TAF12: variants seen among roughly 807,000 people sequenced by gnomAD.
The protein encoded by TAF12 is transcription initiation factor TFIID subunit 12.
In TAF12, 3 loss-of-function variants were observed where a neutral mutation model predicts 20.8. That is an observed-to-expected ratio of 0.14 (90% CI 0.07 to 0.37). The LOEUF (loss-of-function observed/expected upper bound fraction) is 0.37, where lower values mean the gene tolerates loss of function less well. Among genes scored for constraint, TAF12 ranks in the 10% least tolerant of loss-of-function variants. TAF12 has a pLI of 1.00. For synonymous variants in TAF12, 69 were observed against 70.2 expected (o/e 0.98, Z 0.09); for missense variants, 131 against 197.9 (o/e 0.66, Z 2.03).
Position 28,643,037 on chromosome 1 carries a change from T to A in TAF12, c.-130A>T. On this transcript the variant is annotated 5_prime_UTR_variant, in exon 1 of 6. Coordinates refer to ENST00000373824, the MANE Select transcript of TAF12 (RefSeq NM_005644.4). Reference sequence around the variant, plus strand: ...CCATGATATGCAGAGACTGCCCCAGTGAAGCGTTCGTCTCAGCAGCCGGTC... The same window carrying A: ...CCATGATATGCAGAGACTGCCCCAGAGAAGCGTTCGTCTCAGCAGCCGGTC... 5 of 985,878 alleles carry A rather than the reference T, an allele frequency of 5.1e-6. No individual in the cohort carries two copies. The highest frequency in any genetic ancestry group is 6.0e-6 in the Non-Finnish European group (5 of 829,950). The allele number at this position is 985,878 out of a possible 1,614,324, so 61.1% of individuals were successfully genotyped here. A position where few individuals can be genotyped will look rare whatever the true frequency, so the allele number is the denominator to read the frequency against.
At chr1:28,640,478 G>C (rs1667995660) in intron 1 of TAF12, among the ~76,000 whole-genome samples, 1 of 152,176 alleles carries the variant, frequency 6.6e-6, no homozygotes, top group Non-Finnish European at 1.5e-5. Flanking sequence ...GTCACTGTGT[G>C]ATTTCAGGCA....
chr1:28,612,094 T>C lies in TAF12; in HGVS notation c.361+1153A>G, dbSNP rs1666879831. On this transcript the variant is annotated intron_variant, in intron 4 of 5. Transcript: ENST00000373824. ...CAGCTTCTTGACACTGTGAAGAAAG[T>C]CTTTCAATAATTAGTCATGGGCTGA... Among the ~76,000 whole-genome samples, 3 of 152,256 alleles carry C rather than the reference T, an allele frequency of 2.0e-5. No homozygotes were observed. The South Asian group carries it at 6.2e-4, about 32-fold the overall frequency.
intron 1 of TAF12, among the ~76,000 whole-genome samples, chr1:28,640,480 T>C (rs1408091815): frequency 6.6e-6 from 1 of 152,194 alleles, no homozygotes. Context: ...CACTGTGTGA[T>C]TTCAGGCAAA....
At position 28,639,273 on chromosome 1, in the gene TAF12, A is replaced by G. The variant is rs1298380816; in HGVS notation, c.-85+3719T>C. On this transcript the variant is annotated intron_variant, in intron 1 of 5. Coordinates refer to ENST00000373824, the MANE Select transcript of TAF12 (RefSeq NM_005644.4). Reference sequence around the variant, plus strand: ...TCTACTAAAAATACAAAAATTAGCCAGGCATGGTGGCGCATGCCTGTAATC... The same window carrying G: ...TCTACTAAAAATACAAAAATTAGCCGGGCATGGTGGCGCATGCCTGTAATC... Among the ~76,000 whole-genome samples, 4 of 151,608 alleles carry G rather than the reference A, an allele frequency of 2.6e-5. No individual in the cohort carries two copies. The East Asian group carries it at 7.9e-4, about 30-fold the overall frequency.
chr1:28,629,616 G>GT (rs986371224), intron 1 of TAF12, among the ~76,000 whole-genome samples: 5 of 151,998 alleles, frequency 3.3e-5, no homozygotes, highest in Admixed American at 1.3e-4. Context: ...GATTACAGGC[G>GT]TGAGCCACTG....
chr1:28,647,667 A>C (rs1163740865), upstream of TAF12, among the ~76,000 whole-genome samples: 1 of 152,128 alleles, frequency 6.6e-6, no homozygotes, highest in African/African-American at 2.4e-5. Context: ...AAGTCAGGAG[A>C]TCGAGACCAT....
chr1:28,641,204 G>A (rs1317160410), intron 1 of TAF12, among the ~76,000 whole-genome samples: 6 of 151,816 alleles, frequency 4.0e-5, no homozygotes, highest in African/African-American at 7.3e-5. Flanking sequence ...AAACTGGGCC[G>A]GGCGCAGTGG....
At chr1:28,617,186 A>G (rs1002202257) in intron 3 of TAF12, among the ~76,000 whole-genome samples, 4 of 152,224 alleles carry the variant, frequency 2.6e-5, no homozygotes, top group Non-Finnish European at 4.4e-5. Context: ...TTACTTAGAA[A>G]TATAGAAGAA....
At chr1:28,633,912 CAAAAAAAA>C (rs34756071) in intron 1 of TAF12, among the ~76,000 whole-genome samples, 2 of 47,514 alleles carry the variant, frequency 4.2e-5, no homozygotes, top group Non-Finnish European at 8.5e-5. Context: ...AACTCCATCT[CAAAAAAAA>C]AAAAAAAAAA....
At chr1:28,620,121 G>A (rs1667165130) in intron 2 of TAF12, among the ~76,000 whole-genome samples, 1 of 151,680 alleles carries the variant, frequency 6.6e-6, no homozygotes, top group African/African-American at 2.4e-5. Context: ...TTTGAAATAA[G>A]GAAAAAAGAA....
At chr1:28,646,470 T>C (rs1472094662), upstream of TAF12, 4 of 152,190 alleles carry the variant, frequency 2.6e-5, no homozygotes, top group African/African-American at 9.6e-5. Flanking sequence ...TATTAAAATA[T>C]ATTAAAGAAA....
chr1:28,604,594 C>T (rs1171830802), intron 5 of TAF12, among the ~76,000 whole-genome samples: 1 of 152,168 alleles, frequency 6.6e-6, no homozygotes, highest in Non-Finnish European at 1.5e-5. Context: ...TGCAATCTTT[C>T]CATTCAGGAA....
At chr1:28,624,086 G>T (rs1667305328) in intron 1 of TAF12, 2 of 822,738 alleles carry the variant, frequency 2.4e-6, no homozygotes, top group Non-Finnish European at 2.9e-6. Context: ...CATTTTAGTT[G>T]AATGGCCTGG....
chr1:28,626,334 C>A (rs1323683421), intron 1 of TAF12, among the ~76,000 whole-genome samples: 2 of 151,604 alleles, frequency 1.3e-5, no homozygotes, highest in Non-Finnish European at 1.5e-5. Flanking sequence ...AATCCCAGCA[C>A]TTTAGGAGGC....
chr1:28,643,300 C>A (rs1570348288), upstream of TAF12: 1 of 165,424 alleles, frequency 6.0e-6, no homozygotes, highest in Non-Finnish European at 1.2e-5. Flanking sequence ...CGTTAAGAAT[C>A]CTTCACTAGC....
chr1:28,637,246 T>C (rs1667862314), intron 1 of TAF12, among the ~76,000 whole-genome samples: 1 of 152,120 alleles, frequency 6.6e-6, no homozygotes, highest in South Asian at 2.1e-4. Context: ...TTTTTTTCTT[T>C]TTCTCTTTTT....
At chr1:28,644,204 C>T (rs910233222), upstream of TAF12, among the ~76,000 whole-genome samples, 1 of 152,146 alleles carries the variant, frequency 6.6e-6, no homozygotes, top group Non-Finnish European at 1.5e-5. Context: ...CTGTGACAGG[C>T]CAGAGTGAGC....
intron 1 of TAF12, chr1:28,648,162 T>G: frequency 1.0e-6 from 1 of 985,214 alleles, no homozygotes; most frequent in East Asian, 1.1e-4. Flanking sequence ...CATTTTCAAT[T>G]TGGATAGGTT....
At chr1:28,608,100 G>C (rs914902014) in intron 4 of TAF12, among the ~76,000 whole-genome samples, 1 of 151,466 alleles carries the variant, frequency 6.6e-6, no homozygotes, top group Non-Finnish European at 1.5e-5. Flanking sequence ...GGGAGACCAA[G>C]GCTGGTGGAT....
Sources: gnomAD v4.1 joint callset for allele counts (sites outside exome capture counted in the v4.1 genomes callset) on GRCh38, gnomAD v4.1.1 for gene constraint, MANE v1.5 for transcripts, NCBI Gene and HGNC (gene_info 2026-07-23, HGNC 2026-07-21) for gene names.